The following RABGAP1L variants were observed in gnomAD, a reference collection of about 807,000 sequenced individuals.
The protein encoded by RABGAP1L is RAB GTPase activating protein 1 like, also known as rab GTPase-activating protein 1-like.
A neutral mutation model predicts 137.7 loss-of-function variants in RABGAP1L; 63 were observed. That is an observed-to-expected ratio of 0.46 (90% CI 0.37 to 0.56). The LOEUF (loss-of-function observed/expected upper bound fraction) is 0.56. Among genes scored for constraint, RABGAP1L ranks in the 20% least tolerant of loss-of-function variants. The probability of loss-of-function intolerance (pLI) is 0.00; values close to 1 mark genes in which losing one functional copy is unlikely to be tolerated. For synonymous variants in RABGAP1L, 431 were observed against 433.7 expected (o/e 0.99, Z 0.08); for missense variants, 1,095 against 1,244.0 (o/e 0.88, Z 1.80).
intron 16 of RABGAP1L, among the ~76,000 whole-genome samples, chr1:174,701,761 AT>A (rs1024446159): frequency 1.3e-5 from 2 of 149,448 alleles, no homozygotes; most frequent in African/African-American, 5.1e-5. Context: ...AAAAAAAAAA[AT>A]TTAACCCTGA....
intron 17 of RABGAP1L, among the ~76,000 whole-genome samples, chr1:174,717,336 G>T (rs554900337): frequency 4.6e-5 from 7 of 152,108 alleles, no homozygotes; most frequent in Non-Finnish European, 8.8e-5. Context: ...TTGAGCCCAG[G>T]AGTTTGAGGC....
chr1:174,249,749 TCTC>T (rs1457867419), intron 5 of RABGAP1L, among the ~76,000 whole-genome samples: 2 of 151,928 alleles, frequency 1.3e-5, no homozygotes, highest in African/African-American at 2.4e-5. Context: ...TTCAAGCAAT[TCTC>T]CTGCTTCAGC....
chr1:174,261,455 G>A (rs1673574696), intron 7 of RABGAP1L, among the ~76,000 whole-genome samples: 1 of 152,110 alleles, frequency 6.6e-6, no homozygotes, highest in South Asian at 2.1e-4. Flanking sequence ...ACTATATAAT[G>A]AGAAACTGAA....
intron 14 of RABGAP1L, among the ~76,000 whole-genome samples, chr1:174,644,708 G>A (rs1046273993): frequency 6.6e-6 from 1 of 151,914 alleles, no homozygotes; most frequent in African/African-American, 2.4e-5. Context: ...GTTCTTGAAT[G>A]GATTATTTTA....
intron 17 of RABGAP1L, chr1:174,705,822 C>A (rs1025535051): frequency 2.0e-5 from 3 of 152,086 alleles, no homozygotes; most frequent in African/African-American, 7.2e-5. Flanking sequence ...GCTATTATTT[C>A]ATATGTGATG....
At chr1:174,962,212 C>A (rs1345627147) in intron 20 of RABGAP1L, among the ~76,000 whole-genome samples, 1 of 135,586 alleles carries the variant, frequency 7.4e-6, no homozygotes, top group African/African-American at 2.8e-5. Context: ...CCCCCACACA[C>A]ACACACAGCT....
At chr1:174,272,890 T>G (rs765729198) in intron 8 of RABGAP1L, among the ~76,000 whole-genome samples, 7 of 151,992 alleles carry the variant, frequency 4.6e-5, no homozygotes, top group Non-Finnish European at 8.8e-5. Context: ...GCGTTTCCCT[T>G]TCTGAATTTC....
At chr1:174,651,622 T>C (rs1675497805) in intron 14 of RABGAP1L, among the ~76,000 whole-genome samples, 1 of 152,162 alleles carries the variant, frequency 6.6e-6, no homozygotes, top group Admixed American at 6.5e-5. Context: ...TCTTTGTTGG[T>C]TTAAAGTCTG....
chr1:174,445,162 T>C (rs1470815954), intron 13 of RABGAP1L, among the ~76,000 whole-genome samples: 3 of 152,136 alleles, frequency 2.0e-5, no homozygotes, highest in African/African-American at 7.2e-5. Flanking sequence ...TTAATTTTCC[T>C]GGTGTATTTT....
chr1:174,332,405 T>G (rs2148867003), intron 11 of RABGAP1L, among the ~76,000 whole-genome samples: 1 of 152,100 alleles, frequency 6.6e-6, no homozygotes, highest in South Asian at 2.1e-4. Flanking sequence ...TATTTATTTA[T>G]TTATTTTTTG....
At chr1:174,809,059 A>G (rs1689614525) in intron 18 of RABGAP1L, among the ~76,000 whole-genome samples, 1 of 152,228 alleles carries the variant, frequency 6.6e-6, no homozygotes, top group South Asian at 2.1e-4. Flanking sequence ...TGAATTTATT[A>G]CATCCTTTGC....
At chr1:174,546,619 C>T (rs907662472) in intron 13 of RABGAP1L, among the ~76,000 whole-genome samples, 2 of 152,160 alleles carry the variant, frequency 1.3e-5, no homozygotes, top group African/African-American at 2.4e-5. Context: ...TTTAAAGATG[C>T]CTCTTTCAGT....
At chr1:174,788,121 T>TA (rs912479032) in intron 18 of RABGAP1L, among the ~76,000 whole-genome samples, 1 of 152,212 alleles carries the variant, frequency 6.6e-6, no homozygotes, top group Non-Finnish European at 1.5e-5. Context: ...TGAATAGTGA[T>TA]ACCAGACCAG....
chr1:174,960,189 T>C (rs1017435976), intron 20 of RABGAP1L, among the ~76,000 whole-genome samples: 8 of 152,202 alleles, frequency 5.3e-5, no homozygotes, highest in African/African-American at 1.7e-4. Flanking sequence ...AAATTTATTT[T>C]TTAAAGCCCA....
intron 20 of RABGAP1L, 118 bp downstream of exon 20, chr1:174,957,667 C>T: frequency 1.0e-6 from 1 of 981,328 alleles, no homozygotes; most frequent in Non-Finnish European, 1.6e-6. Context: ...TCCTCCCACT[C>T]CAGTCTCCCA....
chr1:174,519,307 C>T (rs1663159193), intron 13 of RABGAP1L, among the ~76,000 whole-genome samples: 1 of 151,890 alleles, frequency 6.6e-6, no homozygotes, highest in African/African-American at 2.4e-5. Context: ...TGTCTGCAAG[C>T]TTGAGGAGCA....
chr1:174,356,442 ATTTATT>A (rs1161905487), intron 11 of RABGAP1L, among the ~76,000 whole-genome samples: 3 of 152,042 alleles, frequency 2.0e-5, no homozygotes, highest in African/African-American at 7.2e-5. Context: ...CAATTTTGTG[ATTTATT>A]TTTAACTTTA....
chr1:174,954,363 A>C (rs981899742), intron 19 of RABGAP1L: 1 of 152,180 alleles, frequency 6.6e-6, no homozygotes, highest in Non-Finnish European at 1.5e-5. Flanking sequence ...AATATCCTAG[A>C]ATCTCAGCCA....
intron 14 of RABGAP1L, among the ~76,000 whole-genome samples, chr1:174,644,297 C>T (rs758437829): frequency 2.0e-5 from 3 of 151,878 alleles, no homozygotes; most frequent in Non-Finnish European, 4.4e-5. Flanking sequence ...TAAGAGCTTT[C>T]CTTGAAATAG....
Sources: gnomAD v4.1 joint callset for allele counts (sites outside exome capture counted in the v4.1 genomes callset) on GRCh38, gnomAD v4.1.1 for gene constraint, MANE v1.5 for transcripts, NCBI Gene and HGNC (gene_info 2026-07-23, HGNC 2026-07-21) for gene names.